TMEM59L: variants seen among roughly 807,000 people sequenced by gnomAD.
TMEM59L encodes transmembrane protein 59-like.
TMEM59L carries 31 observed loss-of-function variants against 39.6 expected under a neutral mutation model. The ratio of observed to expected loss-of-function variants is 0.78; its 90% CI spans 0.59 to 1.06. The LOEUF (loss-of-function observed/expected upper bound fraction) is 1.06, where lower values mean the gene tolerates loss of function less well. Ranked by LOEUF, TMEM59L falls within the 50% of genes least tolerant of loss-of-function variation. The pLI is 0.00. For synonymous variants in TMEM59L, 219 were observed against 202.9 expected, an observed-to-expected ratio of 1.08 and a Z score of -0.68; for missense variants, 441 against 451.3, an observed-to-expected ratio of 0.98 and a Z score of 0.21.
intron 4 of TMEM59L, among the ~76,000 whole-genome samples, chr19:18,616,714 T>G (rs549936076): frequency 3.0e-4 from 46 of 152,274 alleles, no homozygotes; most frequent in African/African-American, 1.0e-3. Flanking sequence ...TTAACTGAGC[T>G]GGGATTTACT....
At chr19:18,613,259 C>T (rs1976390165) in intron 1 of TMEM59L, 130 bp downstream of exon 1, 15 of 761,234 alleles carry the variant, frequency 2.0e-5, no homozygotes, top group East Asian at 4.3e-5. Context: ...AGGTGGGGGT[C>T]GGGAATGGGG....
Position 18,617,120 on chromosome 19 carries a change from C to T in TMEM59L, c.664+18C>T, listed in dbSNP as rs1321675770. ...GCACGTGGGTAAGGTGCAACCTAGA[C>T]CAGTGTTCCTTCCATGGGTGGCCCC... On this transcript the variant is annotated intron_variant, in intron 5 of 7. Coordinates refer to ENST00000262817, the MANE Select transcript of TMEM59L (RefSeq NM_012109.3). The T allele has an allele frequency of 3.8e-6, 6 of 1,598,804 alleles. No homozygotes were observed. Among genetic ancestry groups the T allele is most frequent in the African/African-American group, 2.7e-5 (2 of 74,580 alleles).
chr19:18,618,091 G>T, intron 5 of TMEM59L, 64 bp from the exon 6 acceptor site: 2 of 1,290,000 alleles, frequency 1.6e-6, no homozygotes, highest in Non-Finnish European at 2.3e-6. Context: ...CTCCCTCCTG[G>T]TCATGGTTAT....
At chr19:18,617,172 A>C (rs766977271) in intron 5 of TMEM59L, 70 bp downstream of exon 5, 28 of 1,180,994 alleles carry the variant, frequency 2.4e-5, no homozygotes, top group Admixed American at 3.4e-5. Context: ...GGCCTGGCAA[A>C]CAGACCTTCT....
At chr19:18,618,346 A>C in intron 6 of TMEM59L, 29 bp from the exon 7 acceptor site, 3 of 1,609,198 alleles carry the variant, frequency 1.9e-6, no homozygotes, top group Non-Finnish European at 2.5e-6. Flanking sequence ...CGGCCTGGGC[A>C]GCTGAGTGGT....
intron 7 of TMEM59L, among the ~76,000 whole-genome samples, chr19:18,619,382 G>GGTGTCC (rs1976469034): frequency 6.6e-6 from 1 of 152,220 alleles, no homozygotes; most frequent in Non-Finnish European, 1.5e-5. Flanking sequence ...GCGACATGAA[G>GGTGTCC]TCAGAGGTGG....
chr19:18,616,383 T>TG (rs112964312), intron 4 of TMEM59L, among the ~76,000 whole-genome samples: 38 of 127,900 alleles, frequency 3.0e-4, no homozygotes, highest in African/African-American at 8.6e-4. Context: ...CGCTGTGGTT[T>TG]TTTTTTGTTG....
In TMEM59L at chr19:18,617,055, A is replaced by G. The variant is rs1297794898; in HGVS notation, c.617A>G (p.Glu206Gly). The change falls in exon 5 of 8, where the codon GAG (glutamate) becomes GGG (glycine). Residue 206 changes from glutamate to glycine, a missense_variant. Glu to Gly is a moderately conservative substitution (Grantham distance 98, BLOSUM62 -2). Coordinates refer to ENST00000262817, the MANE Select transcript of TMEM59L (RefSeq NM_012109.3). ...GFQGGRLQRV[E>G]VTWRGSHPEA... is the part of the protein sequence containing the mutation. ...CAGGGGGGCCGTCTGCAGCGCGTGG[A>G]GGTGACCTGGCGAGGCTCCCACCCT... The G allele has an allele frequency of 3.7e-6, 6 of 1,613,228 alleles. No homozygotes were observed. In the African/African-American group the frequency reaches 5.3e-5, roughly 14 times the overall value.
intron 3 of TMEM59L, among the ~76,000 whole-genome samples, chr19:18,615,643 T>C (rs1439566408): frequency 6.6e-6 from 1 of 152,230 alleles, no homozygotes; most frequent in Non-Finnish European, 1.5e-5. Context: ...AGTCTCACTC[T>C]TTCACCCAGG....
At position 18,617,114 on chromosome 19, in the gene TMEM59L, C is replaced by A; in HGVS notation, c.664+12C>A. 2 of 1,607,242 alleles carry A rather than the reference C, an allele frequency of 1.2e-6. No individual in the cohort carries two copies. The highest frequency in any genetic ancestry group is 1.1e-5 in the South Asian group (1 of 90,968). ...GGAGGTGCACGTGGGTAAGGTGCAA[C>A]CTAGACCAGTGTTCCTTCCATGGGT... On this transcript the variant is annotated intron_variant, in intron 5 of 7. Transcript: ENST00000262817.
intron 7 of TMEM59L, among the ~76,000 whole-genome samples, chr19:18,618,731 G>A (rs1030999209): frequency 2.0e-4 from 29 of 142,814 alleles, no homozygotes; most frequent in African/African-American, 7.6e-4. Context: ...GTCTTGCTCT[G>A]TCACCTGGGC....
chr19:18,616,902 A>T lies in TMEM59L; in HGVS notation c.562-98A>T. 5.8e-6 allele frequency: 5 copies of T among 864,982 alleles called. No homozygotes were observed. In the South Asian group the frequency reaches 8.1e-5, roughly 14 times the overall value. 53.6% of individuals were successfully genotyped at this position (864,982 alleles called of 1,614,324 possible). A position where few individuals can be genotyped will look rare whatever the true frequency, so the allele number is the denominator to read the frequency against. ...CCCCTGATACCCAGGGGAACTGGGT[A>T]TCAGCTGGGCGTGGGACATGGCAGT... On this transcript the variant is annotated intron_variant, in intron 4 of 7. Transcript: ENST00000262817.
Position 18,615,960 on chromosome 19 carries a change from AC to A in TMEM59L, c.409-13del, listed in dbSNP as rs760879440. Reference sequence around the variant, plus strand: ...TTTCGGTGCCATCTTTGTGTCTTGGACCTTTTTTCACCAGAGAAAGGTCCTG... The same window carrying A: ...TTTCGGTGCCATCTTTGTGTCTTGGACTTTTTTCACCAGAGAAAGGTCCTG... On this transcript the variant is annotated splice_polypyrimidine_tract_variant and intron_variant, in intron 3 of 7. Coordinates refer to ENST00000262817, the MANE Select transcript of TMEM59L (RefSeq NM_012109.3). 3.1e-6 allele frequency: 5 copies of A among 1,611,758 alleles called. No individual in the cohort carries two copies. Among genetic ancestry groups the A allele is most frequent in the Non-Finnish European group, 4.2e-6 (5 of 1,178,700 alleles).
chr19:18,613,814 C>A lies in TMEM59L; in HGVS notation c.172-58C>A. ...CTGCCTCTGCTGAATGCTCCGGTCC[C>A]CCCACCCTCCTCCTGCCCCTCCCCA... On this transcript the variant is annotated intron_variant, in intron 1 of 7. Coordinates refer to ENST00000262817, the MANE Select transcript of TMEM59L (RefSeq NM_012109.3). The A allele has an allele frequency of 2.1e-6, 3 of 1,400,336 alleles. No individual in the cohort carries two copies. The South Asian group carries it at 3.5e-5, about 16-fold the overall frequency. 86.7% of individuals were successfully genotyped at this position (1,400,336 alleles called of 1,614,324 possible). A position where few individuals can be genotyped will look rare whatever the true frequency, so the allele number is the denominator to read the frequency against.
chr19:18,613,865 C>A lies in TMEM59L; in HGVS notation c.172-7C>A, dbSNP rs760251141. 6.2e-7 allele frequency: 1 copy of A among 1,609,058 alleles called. No homozygotes were observed. The highest frequency in any genetic ancestry group is 8.5e-7 in the Non-Finnish European group (1 of 1,178,452). The stretch of plus-strand genomic sequence containing the variant: ...TGGCCTGAGCCCCCTGTCCTCCCCT[C>A]CCCCAGGCGGGGCTGGAGGGCGCCT... On this transcript the variant is annotated splice_region_variant and splice_polypyrimidine_tract_variant and intron_variant, in intron 1 of 7. Coordinates refer to ENST00000262817, the MANE Select transcript of TMEM59L (RefSeq NM_012109.3).
intron 1 of TMEM59L, among the ~76,000 whole-genome samples, 160 bp downstream of exon 1, chr19:18,613,289 C>T (rs933223291): frequency 2.0e-5 from 3 of 152,076 alleles, no homozygotes; most frequent in Non-Finnish European, 4.4e-5. Context: ...CAGTAGTTGA[C>T]GGGCTGGGGT....
rs1200905930 is a variant in TMEM59L at position 18,617,111 on chromosome 19, C to G, written c.664+9C>G. On this transcript the variant is annotated intron_variant, in intron 5 of 7. Coordinates refer to ENST00000262817, the MANE Select transcript of TMEM59L (RefSeq NM_012109.3). ...CCTGGAGGTGCACGTGGGTAAGGTGCAACCTAGACCAGTGTTCCTTCCATG... is the reference window on the plus strand; with the variant it reads ...CCTGGAGGTGCACGTGGGTAAGGTGGAACCTAGACCAGTGTTCCTTCCATG... The G allele has an allele frequency of 1.9e-6, 3 of 1,607,144 alleles. No individual in the cohort carries two copies. Among genetic ancestry groups the G allele is most frequent in the Non-Finnish European group, 2.6e-6 (3 of 1,174,506 alleles).
In TMEM59L at chr19:18,613,105, C is replaced by G; in HGVS notation, c.147C>G (p.Arg49=). The change falls in exon 1 of 8, where the codon CGC becomes CGG. Residue 49 remains arginine, a synonymous_variant. Coordinates refer to ENST00000262817, the MANE Select transcript of TMEM59L (RefSeq NM_012109.3). The part of the protein sequence containing the change: ...TQNCQLRCRD[R]DLGPQPSQAG... ...ACTGCCAGCTGCGGTGCCGCGACCG[C>G]GACCTCGGCCCGCAGCCCTCGCAGG... 7.6e-7 allele frequency: 1 copy of G among 1,310,906 alleles called. No homozygotes were observed. The highest frequency in any genetic ancestry group is 9.7e-7 in the Non-Finnish European group (1 of 1,033,852). 81.2% of individuals were successfully genotyped at this position (1,310,906 alleles called of 1,614,324 possible).
chr19:18,617,529 C>G, intron 5 of TMEM59L: 1 of 456,454 alleles, frequency 2.2e-6, no homozygotes, highest in Admixed American at 2.4e-5. Context: ...GGTTCTGTGG[C>G]CCATCTCCCA....
Sources: allele counts gnomAD v4.1 joint callset (sites outside exome capture counted in the v4.1 genomes callset), GRCh38; gene constraint gnomAD v4.1.1; transcripts MANE v1.5; gene names NCBI Gene and HGNC (gene_info 2026-07-23, HGNC 2026-07-21).